Variants in DOCK3 observed in about 807,000 individuals in gnomAD.
DOCK3 encodes the protein dedicator of cytokinesis 3, also known as dedicator of cytokinesis protein 3.
DOCK3 carries 60 observed loss-of-function variants against 265.6 expected under a neutral mutation model. The observed-to-expected ratio is 0.23, with a 90% CI of 0.18 to 0.28. DOCK3 has a LOEUF of 0.28. Ranked by LOEUF, DOCK3 falls within the 10% of genes least tolerant of loss-of-function variation. The pLI is 1.00. For synonymous variants in DOCK3, 881 were observed against 938.0 expected, an observed-to-expected ratio of 0.94 and a Z score of 1.11; for missense variants, 1,981 against 2,594.3, an observed-to-expected ratio of 0.76 and a Z score of 5.14.
At chr3:51,314,478 TA>T (rs2083259452) in intron 31 of DOCK3, among the ~76,000 whole-genome samples, 1 of 152,158 alleles carries the variant, frequency 6.6e-6, no homozygotes, top group African/African-American at 2.4e-5. Flanking sequence ...ATAGGCAGTG[TA>T]AAAATCCATG....
chr3:50,877,727 G>A (rs4511895), intron 3 of DOCK3: 153,268 of 345,050 alleles, frequency 0.44, 36,631 homozygotes, highest in Non-Finnish European at 0.5. Flanking sequence ...AGGCTGGAGT[G>A]CAGTGGCGTG....
At chr3:51,371,740 A>G (rs1275221071) in intron 49 of DOCK3, among the ~76,000 whole-genome samples, 2 of 152,226 alleles carry the variant, frequency 1.3e-5, no homozygotes, top group Non-Finnish European at 2.9e-5. Context: ...TGCCATACCC[A>G]TGGACACTGC....
chr3:51,291,395 C>G (rs549759610), intron 27 of DOCK3, among the ~76,000 whole-genome samples: 25 of 152,132 alleles, frequency 1.6e-4, no homozygotes, highest in Non-Finnish European at 3.5e-4. Flanking sequence ...ACAGAAGAGT[C>G]AAGTCAGAAA....
In DOCK3 at chr3:51,199,753, C is replaced by T. The variant is rs985012794; in HGVS notation, c.1038-9021C>T. On this transcript the variant is annotated intron_variant, in intron 12 of 52. Transcript: ENST00000266037. ...ACTGCCTCCTCAAGTGGGTCCCTGA[C>T]CCCTGAGCAGCCTAACTGGGAGGCA... Among the ~76,000 whole-genome samples the T allele has an allele frequency of 3.3e-5, 5 of 152,216 alleles. 1 individual carries two copies. The highest frequency in any genetic ancestry group is 3.3e-4 in the Admixed American group (5 of 15,286).
chr3:51,091,682 C>CAAA (rs36008191), intron 9 of DOCK3, among the ~76,000 whole-genome samples: 28 of 101,996 alleles, frequency 2.7e-4, no homozygotes, highest in Non-Finnish European at 3.4e-4. Context: ...GACTTGGTCT[C>CAAA]AAAAAAAAAA....
At chr3:51,049,508 C>T (rs1010751142) in intron 5 of DOCK3, among the ~76,000 whole-genome samples, 1 of 151,926 alleles carries the variant, frequency 6.6e-6, no homozygotes, top group Non-Finnish European at 1.5e-5. Flanking sequence ...AGTTTTCTTT[C>T]GAGGGTACTA....
chr3:50,727,842 T>C (rs1221394944), intron 1 of DOCK3, among the ~76,000 whole-genome samples: 1 of 152,144 alleles, frequency 6.6e-6, no homozygotes, highest in Non-Finnish European at 1.5e-5. Flanking sequence ...ACTAAAGAGA[T>C]AGACACATCT....
intron 2 of DOCK3, among the ~76,000 whole-genome samples, chr3:50,780,986 T>A (rs2041879074): frequency 6.6e-6 from 1 of 152,120 alleles, no homozygotes; most frequent in African/African-American, 2.4e-5. Flanking sequence ...TGGCAGGACT[T>A]CAGTATTTTT....
At chr3:50,695,579 C>G (rs1004538262) in intron 1 of DOCK3, among the ~76,000 whole-genome samples, 1 of 152,166 alleles carries the variant, frequency 6.6e-6, no homozygotes, top group Non-Finnish European at 1.5e-5. Context: ...GTCATGACCT[C>G]CAAACCCAGT....
chr3:50,787,858 T>C (rs2042266872), intron 2 of DOCK3: 1 of 1,096,726 alleles, frequency 9.1e-7, no homozygotes, highest in Non-Finnish European at 1.4e-6. Context: ...TCTCTTTGGA[T>C]TGAGAAGAGG....
rs140067495 is a variant in DOCK3, at chr3:50,855,058, A to T, written c.162+13343A>T. 8.7e-3 allele frequency among the ~76,000 whole-genome samples: 1,331 copies of T among 152,228 alleles called. 26 individuals carry two copies. The highest frequency in any genetic ancestry group is 0.029 in the African/African-American group (1,185 of 41,532). ...TTGTAGTATAGTTTGAAGTTAGGTT[A>T]TGTGATGCTCCTGGGTTTGTTCTTT... On this transcript the variant is annotated intron_variant, in intron 3 of 52. Transcript: ENST00000266037.
At chr3:50,767,455 T>C (rs1016176729) in intron 1 of DOCK3, among the ~76,000 whole-genome samples, 2 of 152,174 alleles carry the variant, frequency 1.3e-5, no homozygotes, top group Non-Finnish European at 2.9e-5. Flanking sequence ...TTCTGAGGGC[T>C]CTATTCTGTT....
chr3:50,771,775 C>T (rs558382077), intron 1 of DOCK3, among the ~76,000 whole-genome samples: 31 of 152,180 alleles, frequency 2.0e-4, no homozygotes, highest in African/African-American at 5.3e-4. Context: ...GGCGTGAACC[C>T]GGGAGGCGGA....
intron 35 of DOCK3, among the ~76,000 whole-genome samples, chr3:51,334,420 G>T (rs1190180492): frequency 6.6e-6 from 1 of 152,192 alleles, no homozygotes; most frequent in Non-Finnish European, 1.5e-5. Flanking sequence ...GGAAATAGGA[G>T]AGTTAAGCCT....
At chr3:51,264,599 G>A (rs1275754678) in intron 23 of DOCK3, among the ~76,000 whole-genome samples, 2 of 151,820 alleles carry the variant, frequency 1.3e-5, no homozygotes, top group African/African-American at 2.4e-5. Flanking sequence ...AGGCTGAGGC[G>A]GGCAGATCAT....
At chr3:50,794,025 T>C (rs1009419338) in intron 2 of DOCK3, among the ~76,000 whole-genome samples, 6 of 152,210 alleles carry the variant, frequency 3.9e-5, no homozygotes, top group African/African-American at 7.2e-5. Flanking sequence ...ATTTAACTTA[T>C]GTGTAATCGT....
chr3:51,342,991 G>T (rs1467407524), intron 38 of DOCK3, among the ~76,000 whole-genome samples: 1 of 152,134 alleles, frequency 6.6e-6, no homozygotes, highest in Non-Finnish European at 1.5e-5. Flanking sequence ...TCACACAGAA[G>T]GCCTACCTTG....
chr3:50,802,861 T>C (rs2043142598), intron 2 of DOCK3, among the ~76,000 whole-genome samples: 1 of 152,044 alleles, frequency 6.6e-6, no homozygotes, highest in South Asian at 2.1e-4. Flanking sequence ...ATTATTTCAT[T>C]AAACATGTTT....
intron 49 of DOCK3, among the ~76,000 whole-genome samples, chr3:51,371,573 G>A (rs1476525893): frequency 6.6e-6 from 1 of 152,202 alleles, no homozygotes; most frequent in Non-Finnish European, 1.5e-5. Flanking sequence ...GATACACTCT[G>A]GGCAAAGAAG....
Sources: allele counts gnomAD v4.1 joint callset (sites outside exome capture counted in the v4.1 genomes callset), GRCh38; gene constraint gnomAD v4.1.1; transcripts MANE v1.5; gene names NCBI Gene and HGNC (gene_info 2026-07-23, HGNC 2026-07-21).